The following PCOLCE2 variants were observed in gnomAD, a reference collection of about 807,000 sequenced individuals.
The protein encoded by PCOLCE2 is procollagen C-endopeptidase enhancer 2, also known as procollagen C-proteinase enhancer 2.
In PCOLCE2, 42 loss-of-function variants were observed where a neutral mutation model predicts 47.0. The ratio of observed to expected loss-of-function variants is 0.89; its 90% confidence interval spans 0.70 to 1.16. The LOEUF (loss-of-function observed/expected upper bound fraction) is 1.16. PCOLCE2 is among the 50% of genes most tolerant of loss of function. The probability of loss-of-function intolerance (pLI) is 0.00; values close to 1 mark genes in which losing one functional copy is unlikely to be tolerated. For synonymous variants in PCOLCE2, 169 were observed against 191.7 expected, an observed-to-expected ratio of 0.88 and a Z score of 0.98; for missense variants, 500 against 526.1, an observed-to-expected ratio of 0.95 and a Z score of 0.49.
intron 8 of PCOLCE2, among the ~76,000 whole-genome samples, chr3:142,819,962 TTCTC>T (rs71629546): frequency 6.7e-6 from 1 of 150,022 alleles, no homozygotes; most frequent in Non-Finnish European, 1.5e-5. Context: ...TTCTCTCTCT[TTCTC>T]TCTCTCTCTC....
At chr3:142,884,900 A>G (rs1056711509) in intron 2 of PCOLCE2, among the ~76,000 whole-genome samples, 4 of 152,268 alleles carry the variant, frequency 2.6e-5, no homozygotes, top group African/African-American at 9.6e-5. Flanking sequence ...CACTATCCAC[A>G]TGTGGCTATT....
intron 6 of PCOLCE2, among the ~76,000 whole-genome samples, chr3:142,824,879 C>A (rs1937056679): frequency 6.6e-6 from 1 of 152,120 alleles, no homozygotes; most frequent in Non-Finnish European, 1.5e-5. Flanking sequence ...TTGCCTGTCT[C>A]GGCCTCTGAA....
intron 2 of PCOLCE2, among the ~76,000 whole-genome samples, chr3:142,859,796 T>G (rs746612123): frequency 6.6e-6 from 1 of 152,070 alleles, no homozygotes; most frequent in Non-Finnish European, 1.5e-5. Context: ...GATCCACCTG[T>G]CTTGGCCTCC....
intron 2 of PCOLCE2, among the ~76,000 whole-genome samples, chr3:142,876,539 G>C (rs1462254869): frequency 6.6e-6 from 1 of 152,142 alleles, no homozygotes; most frequent in Non-Finnish European, 1.5e-5. Context: ...GGTTCTGTGG[G>C]TCACTGGTCT....
chr3:142,833,667 G>A (rs952999988), intron 5 of PCOLCE2, among the ~76,000 whole-genome samples: 1 of 152,126 alleles, frequency 6.6e-6, no homozygotes, highest in Non-Finnish European at 1.5e-5. Context: ...ATGTCTTGCA[G>A]TGCAAAAGTG....
intron 3 of PCOLCE2, among the ~76,000 whole-genome samples, chr3:142,847,586 C>T (rs1055034219): frequency 1.3e-5 from 2 of 152,114 alleles, no homozygotes; most frequent in African/African-American, 4.8e-5. Flanking sequence ...ACCCAGGCTG[C>T]AGCACAGTGG....
At chr3:142,838,354 GT>G (rs1937227876) in intron 5 of PCOLCE2, among the ~76,000 whole-genome samples, 1 of 152,002 alleles carries the variant, frequency 6.6e-6, no homozygotes, top group Non-Finnish European at 1.5e-5. Context: ...CATCAGGGCG[GT>G]TTCTCATGGT....
chr3:142,883,699 T>G (rs1441659938), intron 2 of PCOLCE2, among the ~76,000 whole-genome samples: 1 of 135,400 alleles, frequency 7.4e-6, no homozygotes. Flanking sequence ...TACTTTTCTT[T>G]AAAAAAAAAA....
At chr3:142,883,483 G>A (rs1390738458) in intron 2 of PCOLCE2, among the ~76,000 whole-genome samples, 2 of 151,628 alleles carry the variant, frequency 1.3e-5, no homozygotes, top group East Asian at 3.9e-4. Flanking sequence ...GCAATGGCAT[G>A]ATCTCGGCTC....
chr3:142,877,216 T>A (rs1379010541), intron 2 of PCOLCE2, among the ~76,000 whole-genome samples: 1 of 152,236 alleles, frequency 6.6e-6, no homozygotes, highest in Non-Finnish European at 1.5e-5. Context: ...GGTTATGGAA[T>A]GCCCTTGGTT....
intron 3 of PCOLCE2, among the ~76,000 whole-genome samples, chr3:142,847,382 A>C (rs1445582959): frequency 1.3e-5 from 2 of 152,194 alleles, no homozygotes; most frequent in Non-Finnish European, 2.9e-5. Context: ...TCAAGTAAAA[A>C]TGTTGCACTA....
intron 2 of PCOLCE2, among the ~76,000 whole-genome samples, chr3:142,859,719 C>A (rs1933143846): frequency 6.6e-6 from 1 of 152,064 alleles, no homozygotes; most frequent in African/African-American, 2.4e-5. Flanking sequence ...GCACACGCCA[C>A]CACACCTGGC....
At chr3:142,818,683 C>T (rs904747604) in intron 8 of PCOLCE2, among the ~76,000 whole-genome samples, 1 of 152,124 alleles carries the variant, frequency 6.6e-6, no homozygotes, top group Non-Finnish European at 1.5e-5. Flanking sequence ...TGAACTTAAG[C>T]GATTCTCCTG....
chr3:142,829,616 AT>A (rs796956900), intron 6 of PCOLCE2, 75 bp downstream of exon 6: 56 of 1,122,578 alleles, frequency 5.0e-5, no homozygotes, highest in African/African-American at 2.7e-4. Context: ...TCTTCCTCTT[AT>A]TTTTTTTCTA....
intron 3 of PCOLCE2, 90 bp downstream of exon 3, chr3:142,848,127 T>C: frequency 7.3e-7 from 1 of 1,362,804 alleles, no homozygotes; most frequent in South Asian, 1.3e-5. Context: ...TGAGAACCAC[T>C]CTTAAGCTTT....
At chr3:142,857,866 T>C (rs1466943667) in intron 2 of PCOLCE2, among the ~76,000 whole-genome samples, 2 of 152,236 alleles carry the variant, frequency 1.3e-5, no homozygotes, top group Non-Finnish European at 2.9e-5. Context: ...CATAGGGTAC[T>C]GGGCCCACCC....
intron 2 of PCOLCE2, among the ~76,000 whole-genome samples, chr3:142,879,914 T>G (rs1168860089): frequency 7.2e-6 from 1 of 138,008 alleles, no homozygotes; most frequent in Non-Finnish European, 1.5e-5. Context: ...GAGCTTGCAG[T>G]GAGCCGAGAT....
At position 142,818,405 on chromosome 3, in the gene PCOLCE2, T is replaced by G; in HGVS notation, c.1178A>C (p.Asn393Thr). 6.2e-7 allele frequency: 1 copy of G among 1,613,474 alleles called. No individual in the cohort carries two copies. The highest frequency in any genetic ancestry group is 8.5e-7 in the Non-Finnish European group (1 of 1,179,506). ...GGTCTTGAACATCATGATAAAGCTG[T>G]TTGGCATGATTTTGCCTCGCCCATC... is the stretch of plus-strand genomic sequence containing the variant. ...GEDGRGKIMP[N>T]SFIMMFKTKN... Residue 393 changes from asparagine to threonine, a missense_variant, in exon 9 of 9, where the codon AAC becomes ACC. Asn to Thr is a moderately conservative substitution (Grantham distance 65). Transcript: ENST00000295992.
intron 2 of PCOLCE2, among the ~76,000 whole-genome samples, chr3:142,856,610 C>G (rs1009816449): frequency 6.6e-6 from 1 of 152,140 alleles, no homozygotes; most frequent in Non-Finnish European, 1.5e-5. Context: ...AAGCCGAACC[C>G]ACAGAAGCAG....
Sources: gnomAD v4.1 joint callset for allele counts (sites outside exome capture counted in the v4.1 genomes callset) on GRCh38, gnomAD v4.1.1 for gene constraint, MANE v1.5 for transcripts, NCBI Gene and HGNC (gene_info 2026-07-23, HGNC 2026-07-21) for gene names.